The following COL18A1 variants were observed in gnomAD, a reference collection of about 807,000 sequenced individuals.
COL18A1 encodes collagen type XVIII alpha 1 chain.
In COL18A1, 133 loss-of-function variants were observed where a neutral mutation model predicts 168.0. The observed-to-expected ratio is 0.79, with a 90% CI of 0.69 to 0.91. The LOEUF (loss-of-function observed/expected upper bound fraction) is 0.91. COL18A1 is among the 40% of genes least tolerant of loss of function. COL18A1 has a pLI of 0.00. For missense variants in COL18A1, 2,126 were observed against 1,925.4 expected (o/e 1.10, Z -1.95); for synonymous variants, 949 against 809.0 (o/e 1.17, Z -2.94).
Position 45,505,238 on chromosome 21 carries a change from C to T in COL18A1, c.2973C>T (p.Gly991=), listed in dbSNP as rs556902369. 2.3e-5 allele frequency: 37 copies of T among 1,598,612 alleles called. 1 individual carries two copies. In the Middle Eastern group the frequency reaches 5.1e-4, roughly 22 times the overall value. Residue 991 remains glycine (G), a synonymous_variant, in exon 35 of 42, where the codon GGC becomes GGT. Coordinates refer to ENST00000651438, the MANE Select transcript of COL18A1 (RefSeq NM_001379500.1). ...EGRQGPPGPP[G]PPGPPSFPGP... The stretch of plus-strand genomic sequence containing the variant: ...GCCAGGGCCCTCCCGGCCCCCCAGG[C>T]CCCCCAGGGCCCCCTTCATTTCCTG...
chr21:45,475,852 C>T (rs2035628995), intron 5 of COL18A1, among the ~76,000 whole-genome samples: 2 of 152,246 alleles, frequency 1.3e-5, no homozygotes, highest in African/African-American at 2.4e-5. Flanking sequence ...TCCGTTAGCT[C>T]GTGCGTGGCC....
intron 25 of COL18A1, 134 bp from the exon 26 acceptor site, chr21:45,493,367 G>A (rs564540463): frequency 1.6e-5 from 20 of 1,272,022 alleles, no homozygotes; most frequent in South Asian, 6.4e-5. Flanking sequence ...TGCTCGGGCC[G>A]TCCCTGTGGT....
intron 2 of COL18A1, among the ~76,000 whole-genome samples, chr21:45,419,186 C>A: frequency 6.6e-6 from 1 of 152,214 alleles, no homozygotes; most frequent in Middle Eastern, 3.4e-3. Context: ...GACGTGATTC[C>A]GTGTAGTAAG....
At chr21:45,509,223 G>C in intron 38 of COL18A1, 133 bp from the exon 39 acceptor site, 1 of 1,258,464 alleles carries the variant, frequency 7.9e-7, no homozygotes. Flanking sequence ...GGCAGCCCCA[G>C]AGTCGGGGGC....
chr21:45,440,615 T>G (rs936351935), intron 2 of COL18A1, among the ~76,000 whole-genome samples: 7 of 149,700 alleles, frequency 4.7e-5, no homozygotes, highest in African/African-American at 1.7e-4. Context: ...CCTGCTGGGG[T>G]TTGAGCCACG....
Position 45,510,106 on chromosome 21 carries a change from C to G in COL18A1, c.3538C>G (p.Arg1180Gly), listed in dbSNP as rs747825364. 2 of 1,592,386 alleles carry G rather than the reference C, an allele frequency of 1.3e-6. No individual in the cohort carries two copies. Among genetic ancestry groups the G allele is most frequent in the South Asian group, 1.1e-5 (1 of 88,510 alleles). ...CAACAGCCCCCTGTCAGGCGGCATGCGGGGCATCCGCGGGGCCGACTTCCA... is the reference window on the plus strand; with the variant it reads ...CAACAGCCCCCTGTCAGGCGGCATGGGGGGCATCCGCGGGGCCGACTTCCA... ...ALNSPLSGGM[R>G]GIRGADFQCF... Residue 1180 changes from arginine (R) to glycine (G), a missense_variant, in exon 40 of 42, where the codon CGG becomes GGG. Physicochemically the swap from Arg to Gly is moderately radical, Grantham distance 125. Coordinates refer to ENST00000651438, the MANE Select transcript of COL18A1 (RefSeq NM_001379500.1).
chr21:45,427,860 T>G (rs1005684518), intron 2 of COL18A1, among the ~76,000 whole-genome samples: 4 of 152,152 alleles, frequency 2.6e-5, no homozygotes, highest in Non-Finnish European at 5.9e-5. Flanking sequence ...CAACTGGCGA[T>G]GAGCTCAGGC....
At chr21:45,427,519 C>T (rs1004080101) in intron 2 of COL18A1, among the ~76,000 whole-genome samples, 1 of 152,184 alleles carries the variant, frequency 6.6e-6, no homozygotes, top group Non-Finnish European at 1.5e-5. Flanking sequence ...CCAGGCAGGC[C>T]CCCTCTTGCT....
At chr21:45,486,739 A>G in intron 15 of COL18A1, 122 bp from the exon 16 acceptor site, 1 of 1,126,720 alleles carries the variant, frequency 8.9e-7, no homozygotes, top group Admixed American at 2.6e-5. Context: ...GCTTGGCAGA[A>G]TGTTCCTTAC....
chr21:45,409,303 G>T (rs2033218457), intron 2 of COL18A1, among the ~76,000 whole-genome samples: 1 of 152,250 alleles, frequency 6.6e-6, no homozygotes, highest in Non-Finnish European at 1.5e-5. Context: ...GCTGTGCAGG[G>T]CAGGGGCAGA....
intron 16 of COL18A1, 24 bp from the exon 17 acceptor site, chr21:45,487,423 A>T: frequency 6.8e-6 from 11 of 1,611,360 alleles, no homozygotes; most frequent in Non-Finnish European, 8.5e-6. Context: ...ACAGGCCCCT[A>T]CGTGTCTCGT....
rs565379870 is a variant in COL18A1 at position 45,481,130 on chromosome 21, G to A, written c.1611+272G>A. ...GACCTCTCTGGCCCTGTGGGTCCAC[G>A]GACTGCACAGAGAGCGTCTCCATGA... On this transcript the variant is annotated intron_variant, in intron 13 of 41. Transcript: ENST00000651438. Among the ~76,000 whole-genome samples the A allele has an allele frequency of 1.1e-4, 16 of 152,290 alleles. No homozygotes were observed. In the South Asian group the frequency reaches 1.9e-3, roughly 18 times the overall value.
Position 45,487,509 on chromosome 21 carries a change from G to A in COL18A1, c.1896G>A (p.Gln632=). The A allele has an allele frequency of 6.2e-7, 1 of 1,612,974 alleles. No homozygotes were observed. Among genetic ancestry groups the A allele is most frequent in the Non-Finnish European group, 8.5e-7 (1 of 1,180,014 alleles). ...WSTARSADGP[Q]GPPGLPGLKG... is the part of the protein sequence containing the mutation. ...CAGCCCGAAGCGCTGATGGGCCACA[G>A]GTAGTGTTGTGAGCTGGGCGTGGCC... Residue 632 remains glutamine (Q), a splice_region_variant and synonymous_variant, in exon 17 of 42, where the codon CAG becomes CAA. Transcript: ENST00000651438.
intron 2 of COL18A1, among the ~76,000 whole-genome samples, chr21:45,414,574 G>A (rs1337263574): frequency 1.3e-5 from 2 of 152,122 alleles, no homozygotes; most frequent in Non-Finnish European, 2.9e-5. Flanking sequence ...CGGACCCTGC[G>A]GCCGACTCTG....
rs577138802 is a variant in COL18A1, at chr21:45,452,001, G to A, written c.107-16241G>A. Among the ~76,000 whole-genome samples, 5 of 152,358 alleles carry A rather than the reference G, an allele frequency of 3.3e-5. No homozygotes were observed. The East Asian group carries it at 5.8e-4, about 18-fold the overall frequency. ...CTCTGTCTCTGGCAGGCCTGAGGCC[G>A]CACTCACCCCAGGAGGCACCGAGGA... On this transcript the variant is annotated intron_variant, in intron 2 of 41. Coordinates refer to ENST00000651438, the MANE Select transcript of COL18A1 (RefSeq NM_001379500.1).
intron 2 of COL18A1, among the ~76,000 whole-genome samples, chr21:45,462,888 C>T (rs768814205): frequency 2.8e-4 from 42 of 152,250 alleles, no homozygotes; most frequent in African/African-American, 8.2e-4. Flanking sequence ...CACCAGCGTT[C>T]GCTTTTTTTT....
At chr21:45,422,680 G>A (rs1024959795) in intron 2 of COL18A1, 1 of 323,054 alleles carries the variant, frequency 3.1e-6, no homozygotes, top group South Asian at 2.3e-5. Flanking sequence ...GAAAGGGGAG[G>A]TAGCGGCCCC....
intron 20 of COL18A1, 140 bp from the exon 21 acceptor site, chr21:45,490,696 C>A: frequency 2.3e-6 from 2 of 867,494 alleles, no homozygotes; most frequent in Non-Finnish European, 3.7e-6. Context: ...TCCGTCAGGG[C>A]TCTTGGTGGC....
chr21:45,443,622 T>C lies in COL18A1; in HGVS notation c.107-24620T>C, dbSNP rs1251144060. Among the ~76,000 whole-genome samples the C allele has an allele frequency of 1.3e-5, 2 of 152,126 alleles. No individual in the cohort carries two copies. The highest frequency in any genetic ancestry group is 1.3e-4 in the Admixed American group (2 of 15,278). On this transcript the variant is annotated intron_variant, in intron 2 of 41. Transcript: ENST00000651438. This position sits in a 1 kb window ranked among gnomAD's most constrained non-coding sequence, Gnocchi z 5.2. ...GACAGGCGGCCCTTTTTCTCCCACG[T>C]GGGCGAAAAGTGAAGCCTCTGGGTG...
Sources: allele counts gnomAD v4.1 joint callset (sites outside exome capture counted in the v4.1 genomes callset), GRCh38; gene constraint gnomAD v4.1.1; non-coding constraint Gnocchi (gnomAD v3.1); transcripts MANE v1.5; gene names NCBI Gene and HGNC (gene_info 2026-07-23, HGNC 2026-07-21).